Variants in PDE1C observed in about 807,000 individuals in gnomAD.
The protein encoded by PDE1C is dual specificity calcium/calmodulin-dependent 3',5'-cyclic nucleotide phosphodiesterase 1C.
PDE1C carries 62 observed loss-of-function variants against 93.1 expected under a neutral mutation model. The observed-to-expected ratio is 0.67, with a 90% CI of 0.54 to 0.82. PDE1C has a LOEUF of 0.82. Among genes scored for constraint, PDE1C ranks in the 40% least tolerant of loss-of-function variants. PDE1C has a pLI of 0.00. For missense variants in PDE1C, 742 were observed against 884.6 expected, an observed-to-expected ratio of 0.84 and a Z score of 2.04; for synonymous variants, 325 against 310.1, an observed-to-expected ratio of 1.05 and a Z score of -0.50.
intron 7 of PDE1C, among the ~76,000 whole-genome samples, chr7:31,853,648 G>C (rs1046680901): frequency 6.6e-6 from 1 of 151,816 alleles, no homozygotes; most frequent in African/African-American, 2.4e-5. Flanking sequence ...CTTCAGGAAG[G>C]ATATTTGGAC....
chr7:31,947,104 T>C (rs553648106), intron 2 of PDE1C, among the ~76,000 whole-genome samples: 76 of 152,292 alleles, frequency 5.0e-4, no homozygotes, highest in African/African-American at 1.8e-3. Flanking sequence ...TCTTCAGACA[T>C]GGCCTGTGTC....
intron 1 of PDE1C, among the ~76,000 whole-genome samples, chr7:32,234,482 C>T (rs1807932298): frequency 6.6e-6 from 1 of 152,002 alleles, no homozygotes; most frequent in Admixed American, 6.6e-5. Flanking sequence ...AAGACCACCA[C>T]TATGAACTGT....
chr7:31,924,480 C>CT (rs1288440391), intron 2 of PDE1C, among the ~76,000 whole-genome samples: 1 of 152,200 alleles, frequency 6.6e-6, no homozygotes, highest in Non-Finnish European at 1.5e-5. Context: ...AAGGCACTTG[C>CT]TTGTTGCCTT....
intron 2 of PDE1C, among the ~76,000 whole-genome samples, chr7:31,967,506 T>C (rs563860886): frequency 3.7e-4 from 57 of 152,284 alleles, no homozygotes; most frequent in African/African-American, 1.3e-3. Flanking sequence ...ACCAGATGGA[T>C]TCACAGCCAA....
At chr7:32,024,928 A>C (rs528275593) in intron 2 of PDE1C, among the ~76,000 whole-genome samples, 1 of 152,276 alleles carries the variant, frequency 6.6e-6, no homozygotes, top group East Asian at 1.9e-4. Flanking sequence ...GACAGATGGT[A>C]AAAGAACACT....
rs80026764 is a variant in PDE1C, at chr7:32,350,513, T to TG, written c.310+77308dup. ...GTTCTTTTTCTAGTTTGTTAGAATC[T>TG]GGTCCAACTAAGGTCTATGCATGGC... is the stretch of plus-strand genomic sequence containing the variant. On this transcript the variant is annotated intron_variant, in intron 1 of 1. Transcript: ENST00000672256. Among the ~76,000 whole-genome samples the TG allele has an allele frequency of 1.2e-4, 13 of 105,588 alleles. No homozygotes were observed. The South Asian group carries it at 1.9e-3, about 16-fold the overall frequency. The allele number at this position is 105,588 out of a possible 152,430, so 69.3% of individuals were successfully genotyped here.
At chr7:32,066,046 C>T (rs1795363122) in intron 1 of PDE1C, among the ~76,000 whole-genome samples, 1 of 152,196 alleles carries the variant, frequency 6.6e-6, no homozygotes, top group Non-Finnish European at 1.5e-5. Context: ...AAAAGGTCTT[C>T]TCTATGAGGT....
At chr7:32,278,336 C>A (rs965720316) in intron 1 of PDE1C, among the ~76,000 whole-genome samples, 1 of 152,036 alleles carries the variant, frequency 6.6e-6, no homozygotes, top group Admixed American at 6.5e-5. Context: ...AAGACAAAGA[C>A]TGGAAAGTCA....
chr7:32,407,134 G>A (rs1785069901), intron 1 of PDE1C, among the ~76,000 whole-genome samples: 1 of 152,080 alleles, frequency 6.6e-6, no homozygotes, highest in Admixed American at 6.6e-5. Flanking sequence ...AATTATCGGG[G>A]TGTAGTGGTG....
intron 3 of PDE1C, among the ~76,000 whole-genome samples, chr7:32,130,535 A>G (rs1260694717): frequency 1.3e-5 from 2 of 152,048 alleles, no homozygotes; most frequent in African/African-American, 4.8e-5. Flanking sequence ...TTGTATGTGT[A>G]ATTTCAGCGT....
intron 1 of PDE1C, among the ~76,000 whole-genome samples, chr7:32,280,926 C>T (rs1811588987): frequency 3.3e-5 from 5 of 152,062 alleles, no homozygotes; most frequent in Non-Finnish European, 4.4e-5. Context: ...TTGAGGCTAC[C>T]GTGAGCTATG....
the PDE1C span, among the ~76,000 whole-genome samples, chr7:31,650,930 A>G: frequency 1.3e-5 from 2 of 152,062 alleles, no homozygotes; most frequent in African/African-American, 2.4e-5. Context: ...AGGCCACCCA[A>G]CAACAGCTGC....
chr7:31,858,272 G>A (rs895810472), intron 7 of PDE1C, among the ~76,000 whole-genome samples: 2 of 152,144 alleles, frequency 1.3e-5, no homozygotes, highest in African/African-American at 2.4e-5. Flanking sequence ...TTTGGCCAGT[G>A]AGTTGTGAGC....
chr7:31,671,320 G>T, the PDE1C span, among the ~76,000 whole-genome samples: 1 of 152,136 alleles, frequency 6.6e-6, no homozygotes, highest in Non-Finnish European at 1.5e-5. Context: ...ACCCAAAAGT[G>T]CTCACCCTGG....
chr7:32,074,344 G>A (rs947831852), upstream of PDE1C, among the ~76,000 whole-genome samples: 1 of 152,122 alleles, frequency 6.6e-6, no homozygotes, highest in African/African-American at 2.4e-5. Context: ...CAGTTTTTGA[G>A]AACTATCATT....
intron 16 of PDE1C, among the ~76,000 whole-genome samples, chr7:31,781,418 TGGCC>T (rs1562779148): frequency 4.7e-5 from 1 of 21,422 alleles, no homozygotes; most frequent in Non-Finnish European, 9.1e-4. Flanking sequence ...GTCAACTTAT[TGGCC>T]ATTTTCAATT....
chr7:32,255,358 G>C (rs1211584325), intron 1 of PDE1C, among the ~76,000 whole-genome samples: 1 of 152,158 alleles, frequency 6.6e-6, no homozygotes, highest in Non-Finnish European at 1.5e-5. Flanking sequence ...GATTTGCATA[G>C]ACCTCAGTTT....
chr7:32,011,196 AT>A (rs34261812), intron 2 of PDE1C, among the ~76,000 whole-genome samples: 37,682 of 146,488 alleles, frequency 0.26, 4,980 homozygotes, highest in African/African-American at 0.35. Context: ...TAAATTAACA[AT>A]TTTTTTTTTT....
At chr7:32,047,391 G>A (rs1792749725) in intron 2 of PDE1C, among the ~76,000 whole-genome samples, 1 of 152,072 alleles carries the variant, frequency 6.6e-6, no homozygotes, top group African/African-American at 2.4e-5. Context: ...CAAGCAAAAG[G>A]ATAGTTCCCC....
Sources: allele counts gnomAD v4.1 joint callset (sites outside exome capture counted in the v4.1 genomes callset), GRCh38; gene constraint gnomAD v4.1.1; transcripts MANE v1.5; gene names NCBI Gene and HGNC (gene_info 2026-07-23, HGNC 2026-07-21).